RALYL: variants seen among roughly 807,000 people sequenced by gnomAD.
RALYL encodes RALY RNA binding protein like, also known as RNA-binding Raly-like protein.
Under a neutral mutation model 35.1 loss-of-function variants are expected in RALYL, and 29 were observed. The ratio of observed to expected loss-of-function variants is 0.83; its 90% CI spans 0.61 to 1.13. The LOEUF (loss-of-function observed/expected upper bound fraction) is 1.13. Ranked by LOEUF, RALYL falls within the 50% of genes most tolerant of loss-of-function variation. The pLI is 0.00. For synonymous variants in RALYL, 120 were observed against 127.6 expected (o/e 0.94, Z 0.40); for missense variants, 359 against 360.4 (o/e 1.00, Z 0.03).
intron 1 of RALYL, among the ~76,000 whole-genome samples, chr8:84,436,945 T>TG (rs2047796483): frequency 6.6e-6 from 1 of 152,102 alleles, no homozygotes; most frequent in African/African-American, 2.4e-5. Flanking sequence ...TAATGAGTGA[T>TG]GCTGGGGTTG....
intron 1 of RALYL, among the ~76,000 whole-genome samples, chr8:84,348,302 A>G (rs1850230909): frequency 6.6e-6 from 1 of 152,140 alleles, no homozygotes; most frequent in Non-Finnish European, 1.5e-5. Flanking sequence ...GTCAAAAGGT[A>G]TGGATTTTCA....
At chr8:84,241,117 AACATAC>A (rs1384864377) in intron 1 of RALYL, among the ~76,000 whole-genome samples, 4 of 152,136 alleles carry the variant, frequency 2.6e-5, no homozygotes, top group East Asian at 3.9e-4. Context: ...CACTTAAAAA[AACATAC>A]ACATACACAC....
intron 2 of RALYL, among the ~76,000 whole-genome samples, chr8:84,553,211 G>C (rs1278828454): frequency 6.6e-6 from 1 of 152,048 alleles, no homozygotes; most frequent in African/African-American, 2.4e-5. Context: ...CCAGTCCCTG[G>C]AGTGCAGTGG....
chr8:84,445,931 T>C (rs1414767768), intron 1 of RALYL, among the ~76,000 whole-genome samples: 1 of 151,646 alleles, frequency 6.6e-6, no homozygotes, highest in East Asian at 1.9e-4. Flanking sequence ...CAATATTTGA[T>C]AATATTTGAT....
chr8:84,569,702 A>G (rs1206983723), intron 2 of RALYL, among the ~76,000 whole-genome samples: 1 of 151,720 alleles, frequency 6.6e-6, no homozygotes, highest in Non-Finnish European at 1.5e-5. Flanking sequence ...TTTTCTTTGA[A>G]GATTTTTATA....
intron 2 of RALYL, among the ~76,000 whole-genome samples, chr8:84,539,864 ATATATATATATATGTATATATATGT>A (rs1390263870): frequency 1.0e-5 from 1 of 99,550 alleles, no homozygotes; most frequent in African/African-American, 3.7e-5. Context: ...GTATATATAT[ATATATATATATATGTATATATATGT>A]GTGTGTGTGT....
At position 84,921,036 on chromosome 8, in the gene RALYL, A is replaced by G; in HGVS notation, c.*125A>G. On this transcript the variant is annotated 3_prime_UTR_variant, in exon 9 of 9. Coordinates refer to ENST00000521268, the MANE Select transcript of RALYL (RefSeq NM_173848.7). ...TCAATTTATATAAAAACCCAAATAA[A>G]TAAAATGGACAGTATTGCTCAGTTT... 1.9e-6 allele frequency: 1 copy of G among 520,292 alleles called. No individual in the cohort carries two copies. The highest frequency in any genetic ancestry group is 3.4e-6 in the Non-Finnish European group (1 of 297,386). The allele number at this position is 520,292 out of a possible 1,614,324, so 32.2% of individuals were successfully genotyped here.
chr8:84,665,555 A>T (rs1831838018), intron 2 of RALYL, among the ~76,000 whole-genome samples: 1 of 151,998 alleles, frequency 6.6e-6, no homozygotes, highest in African/African-American at 2.4e-5. Context: ...GTGTCCAGGA[A>T]TTTATCCATT....
intron 1 of RALYL, among the ~76,000 whole-genome samples, chr8:84,321,744 C>A (rs1279039691): frequency 6.6e-6 from 1 of 152,112 alleles, no homozygotes; most frequent in Non-Finnish European, 1.5e-5. Flanking sequence ...CTTTCCCATT[C>A]TCCACACCTT....
intron 1 of RALYL, among the ~76,000 whole-genome samples, chr8:84,310,284 C>T (rs1349596694): frequency 3.3e-5 from 5 of 151,978 alleles, no homozygotes; most frequent in Non-Finnish European, 7.4e-5. Context: ...CGTGATCCAC[C>T]TGCCTCAGCC....
At chr8:84,821,092 C>A (rs1828417246) in intron 4 of RALYL, among the ~76,000 whole-genome samples, 1 of 152,132 alleles carries the variant, frequency 6.6e-6, no homozygotes, top group Non-Finnish European at 1.5e-5. Context: ...GAACTCATTT[C>A]TCTTTGTTTT....
intron 3 of RALYL, among the ~76,000 whole-genome samples, chr8:84,789,083 G>A (rs535252589): frequency 6.6e-6 from 1 of 152,286 alleles, no homozygotes; most frequent in East Asian, 1.9e-4. Context: ...CCAGGTTGTA[G>A]CCTTAGTATG....
chr8:84,649,550 T>C (rs1178813249), intron 2 of RALYL, among the ~76,000 whole-genome samples: 1 of 152,118 alleles, frequency 6.6e-6, no homozygotes, highest in East Asian at 1.9e-4. Flanking sequence ...CCTTTCCCCA[T>C]TGCTTGTTTT....
At chr8:84,669,550 C>T (rs1340621008) in intron 2 of RALYL, among the ~76,000 whole-genome samples, 1 of 136,966 alleles carries the variant, frequency 7.3e-6, no homozygotes, top group East Asian at 2.3e-4. Flanking sequence ...TCCATGTGTG[C>T]TCAGTGTTTA....
rs189020786 is a variant in RALYL at position 84,696,785 on chromosome 8, T to C, written c.257-77794T>C. Among the ~76,000 whole-genome samples the C allele has an allele frequency of 3.8e-3, 574 of 152,142 alleles. 4 individuals are homozygous for C. The highest frequency in any genetic ancestry group is 0.013 in the African/African-American group (548 of 41,550). ...GAATCATGAATTTCATTTACATATT[T>C]ACTGTTCACATACTGCTGTGCTGGT... is the stretch of plus-strand genomic sequence containing the variant. On this transcript the variant is annotated intron_variant, in intron 2 of 8. Transcript: ENST00000521268.
At chr8:84,777,521 A>G (rs1189448908) in intron 3 of RALYL, among the ~76,000 whole-genome samples, 1 of 152,224 alleles carries the variant, frequency 6.6e-6, no homozygotes, top group Non-Finnish European at 1.5e-5. Context: ...CTGAGAGGAT[A>G]GAGTTGCATA....
At chr8:84,693,137 TA>T (rs759068796) in intron 2 of RALYL, among the ~76,000 whole-genome samples, 2 of 152,016 alleles carry the variant, frequency 1.3e-5, no homozygotes, top group Non-Finnish European at 2.9e-5. Flanking sequence ...ATTTGATTCA[TA>T]AATATTTGTA....
intron 1 of RALYL, among the ~76,000 whole-genome samples, chr8:84,293,532 T>C (rs1178483180): frequency 1.3e-5 from 2 of 152,150 alleles, no homozygotes; most frequent in East Asian, 1.9e-4. Flanking sequence ...CTGTGGCCTG[T>C]TTTCTGTATT....
intron 2 of RALYL, among the ~76,000 whole-genome samples, chr8:84,735,454 G>A (rs1847079752): frequency 6.6e-6 from 1 of 151,870 alleles, no homozygotes; most frequent in African/African-American, 2.4e-5. Context: ...ACCACAGAGA[G>A]CCAAATTTAG....
Sources: allele counts gnomAD v4.1 joint callset (sites outside exome capture counted in the v4.1 genomes callset), GRCh38; gene constraint gnomAD v4.1.1; transcripts MANE v1.5; gene names NCBI Gene and HGNC (gene_info 2026-07-23, HGNC 2026-07-21).